Variants in SEMA5B observed in about 807,000 individuals in gnomAD.
SEMA5B encodes semaphorin-5B.
A neutral mutation model predicts 135.0 loss-of-function variants in SEMA5B; 66 were observed. The ratio of observed to expected loss-of-function variants is 0.49; its 90% CI spans 0.40 to 0.60. The LOEUF (loss-of-function observed/expected upper bound fraction) is 0.60, where lower values mean the gene tolerates loss of function less well. Among genes scored for constraint, SEMA5B ranks in the 20% least tolerant of loss-of-function variants. The probability of loss-of-function intolerance (pLI) is 0.00; values close to 1 mark genes in which losing one functional copy is unlikely to be tolerated. For synonymous variants in SEMA5B, 690 were observed against 639.5 expected, an observed-to-expected ratio of 1.08 and a Z score of -1.19; for missense variants, 1,501 against 1,566.3, an observed-to-expected ratio of 0.96 and a Z score of 0.70.
chr3:122,920,293 A>T (rs541852323), intron 12 of SEMA5B, among the ~76,000 whole-genome samples: 1 of 152,356 alleles, frequency 6.6e-6, no homozygotes, highest in Admixed American at 6.5e-5. Flanking sequence ...CTGAAGGATC[A>T]GTCATGTGTG....
chr3:122,978,942 C>T (rs1393130998), intron 1 of SEMA5B, among the ~76,000 whole-genome samples: 1 of 152,194 alleles, frequency 6.6e-6, no homozygotes, highest in Non-Finnish European at 1.5e-5. Context: ...TGGCTCCCTT[C>T]ATGCTCGTCC....
At chr3:123,019,524 G>A (rs2107824207) in intron 1 of SEMA5B, among the ~76,000 whole-genome samples, 1 of 152,306 alleles carries the variant, frequency 6.6e-6, no homozygotes, top group Non-Finnish European at 1.5e-5. Context: ...GGGAGGGTGA[G>A]CCTGCAGTGA....
chr3:123,002,720 T>C (rs1942210573), intron 1 of SEMA5B, among the ~76,000 whole-genome samples: 1 of 152,208 alleles, frequency 6.6e-6, no homozygotes, highest in Non-Finnish European at 1.5e-5. Context: ...GGGACACTTG[T>C]TTAGGAGAAA....
intron 1 of SEMA5B, among the ~76,000 whole-genome samples, chr3:123,003,114 T>C (rs1030260765): frequency 2.0e-5 from 3 of 151,986 alleles, no homozygotes; most frequent in East Asian, 3.9e-4. Context: ...GTTTTTTGAA[T>C]GTCCAGTAAG....
At chr3:123,012,162 C>T (rs1429126394) in intron 1 of SEMA5B, among the ~76,000 whole-genome samples, 2 of 152,154 alleles carry the variant, frequency 1.3e-5, no homozygotes, top group Non-Finnish European at 2.9e-5. Flanking sequence ...GTGTGTAAAC[C>T]GGGGCTCATC....
intron 16 of SEMA5B, 42 bp from the exon 17 acceptor site, chr3:122,913,466 C>T: frequency 6.4e-7 from 1 of 1,563,146 alleles, no homozygotes; most frequent in Non-Finnish European, 8.6e-7. Context: ...CCCACGGCCT[C>T]CAGGCCCGCC....
rs1576355391 is a variant in SEMA5B, at chr3:122,945,013, G to C, written c.329-1478C>G. ...AGAGATAGAGAGAGAGGCAGAGAGA[G>C]AGAGAGAGTCTGTGTGTGTGTAATC... On this transcript the variant is annotated intron_variant, in intron 3 of 22. Transcript: ENST00000357599. Among the ~76,000 whole-genome samples, 6 of 152,324 alleles carry C rather than the reference G, an allele frequency of 3.9e-5. No individual in the cohort carries two copies. The East Asian group carries it at 1.2e-3, about 29-fold the overall frequency.
chr3:122,976,257 G>A (rs1941317302), intron 1 of SEMA5B: 5 of 1,183,322 alleles, frequency 4.2e-6, no homozygotes, highest in East Asian at 2.6e-5. Context: ...CAAATTCTCA[G>A]GCCTCACCCC....
chr3:122,986,938 G>A (rs1485267273), intron 1 of SEMA5B, among the ~76,000 whole-genome samples: 3 of 152,196 alleles, frequency 2.0e-5, no homozygotes, highest in African/African-American at 7.2e-5. Flanking sequence ...GGGAGCTTGT[G>A]TGGGGCCCGG....
At chr3:123,019,237 G>A (rs1942624667) in intron 1 of SEMA5B, among the ~76,000 whole-genome samples, 1 of 152,170 alleles carries the variant, frequency 6.6e-6, no homozygotes, top group Non-Finnish European at 1.5e-5. Context: ...TATTAGCTGT[G>A]TGACCTTGGG....
intron 1 of SEMA5B, among the ~76,000 whole-genome samples, chr3:122,984,037 G>A (rs944272176): frequency 3.3e-5 from 5 of 152,254 alleles, no homozygotes; most frequent in African/African-American, 9.6e-5. Context: ...CCTACGTGCA[G>A]AGGAGTAAAG....
chr3:122,965,296 G>A (rs1940771439), intron 1 of SEMA5B, among the ~76,000 whole-genome samples: 1 of 152,200 alleles, frequency 6.6e-6, no homozygotes, highest in African/African-American at 2.4e-5. Context: ...ATTGCACAGA[G>A]TGGCAATGTT....
intron 7 of SEMA5B, 94 bp from the exon 8 acceptor site, chr3:122,928,097 C>A (rs892476714): frequency 1.3e-6 from 1 of 792,144 alleles, no homozygotes. Flanking sequence ...GTGCCCCAGT[C>A]TCTCTGGGCC....
rs63373262 is a variant in SEMA5B at position 122,918,993 on chromosome 3, C to CTT, written c.1688+2920_1688+2921dup. On this transcript the variant is annotated intron_variant, in intron 12 of 22. Transcript: ENST00000357599. ...TCAGACCAATAATATATCACCATGT[C>CTT]TTTTTTTTTTTTTTTTTTTTTTTTT... is the stretch of plus-strand genomic sequence containing the variant. Among the ~76,000 whole-genome samples the CTT allele has an allele frequency of 6.0e-3, 485 of 80,328 alleles. 13 individuals carry two copies. The highest frequency in any genetic ancestry group is 0.018 in the African/African-American group (435 of 24,336). 52.7% of individuals were successfully genotyped at this position (80,328 alleles called of 152,430 possible).
Position 122,921,903 on chromosome 3 carries a change from G to A in SEMA5B, c.1688+12C>T. On this transcript the variant is annotated intron_variant, in intron 12 of 22. Coordinates refer to ENST00000357599, the MANE Select transcript of SEMA5B (RefSeq NM_001031702.4). ...CAGTGGAGGCCTCGGGAGCCGCCCC[G>A]TCCCGGCTTACCCCTGGCTGCGGTA... 2.0e-6 allele frequency: 3 copies of A among 1,526,936 alleles called. No individual in the cohort carries two copies. The highest frequency in any genetic ancestry group is 1.2e-5 in the South Asian group (1 of 83,144). 94.6% of individuals were successfully genotyped at this position (1,526,936 alleles called of 1,614,324 possible).
intron 1 of SEMA5B, among the ~76,000 whole-genome samples, chr3:122,969,527 C>T (rs1941022036): frequency 6.6e-6 from 1 of 152,230 alleles, no homozygotes; most frequent in Non-Finnish European, 1.5e-5. Context: ...ATGCCTGCTA[C>T]TGCCAGGGCC....
intron 2 of SEMA5B, among the ~76,000 whole-genome samples, chr3:122,952,860 C>A (rs978762318): frequency 6.6e-6 from 1 of 152,158 alleles, no homozygotes; most frequent in African/African-American, 2.4e-5. Flanking sequence ...GACCAGAGCT[C>A]GTCTGCTTCC....
At chr3:122,978,508 T>G (rs1177263186) in intron 1 of SEMA5B, among the ~76,000 whole-genome samples, 1 of 152,068 alleles carries the variant, frequency 6.6e-6, no homozygotes, top group Admixed American at 6.6e-5. Context: ...TCCCATAGAC[T>G]GGTGATTAGA....
intron 9 of SEMA5B, among the ~76,000 whole-genome samples, chr3:122,924,527 C>G (rs866967726): frequency 6.6e-6 from 1 of 152,186 alleles, no homozygotes; most frequent in South Asian, 2.1e-4. Context: ...AAATGCACCT[C>G]CGAGCTGGTC....
Sources: gnomAD v4.1 joint callset for allele counts (sites outside exome capture counted in the v4.1 genomes callset) on GRCh38, gnomAD v4.1.1 for gene constraint, MANE v1.5 for transcripts, NCBI Gene and HGNC (gene_info 2026-07-23, HGNC 2026-07-21) for gene names.